Variants in BMPR1B observed in about 807,000 individuals in gnomAD.
BMPR1B encodes the protein bone morphogenetic protein receptor type 1B, also known as bone morphogenetic protein receptor type-1B.
Under a neutral mutation model 59.1 loss-of-function variants are expected in BMPR1B, and 12 were observed. The ratio of observed to expected loss-of-function variants is 0.20; its 90% confidence interval spans 0.13 to 0.33. The LOEUF (loss-of-function observed/expected upper bound fraction) is 0.33, where lower values mean the gene tolerates loss of function less well. Ranked by LOEUF, BMPR1B falls within the 10% of genes least tolerant of loss-of-function variation. The pLI is 1.00. For missense variants in BMPR1B, 550 were observed against 610.9 expected, an observed-to-expected ratio of 0.90 and a Z score of 1.05; for synonymous variants, 237 against 207.3, an observed-to-expected ratio of 1.14 and a Z score of -1.23.
chr4:95,136,011 G>C (rs1388025670), intron 10 of BMPR1B, among the ~76,000 whole-genome samples: 7 of 152,220 alleles, frequency 4.6e-5, no homozygotes, highest in Admixed American at 6.5e-5. Flanking sequence ...GTCATAAATA[G>C]CTCTTATTAT....
At chr4:94,882,431 AT>A (rs1727009119) in intron 2 of BMPR1B, among the ~76,000 whole-genome samples, 1 of 152,222 alleles carries the variant, frequency 6.6e-6, no homozygotes, top group Non-Finnish European at 1.5e-5. Flanking sequence ...TAACATAAAT[AT>A]TTAGCTGAAA....
At chr4:95,084,318 CGT>C (rs201153803) in intron 3 of BMPR1B, among the ~76,000 whole-genome samples, 1 of 150,442 alleles carries the variant, frequency 6.6e-6, no homozygotes, top group Non-Finnish European at 1.5e-5. Context: ...TATATTTATA[CGT>C]GTGTGTGTAT....
intron 2 of BMPR1B, among the ~76,000 whole-genome samples, chr4:94,881,093 A>T (rs1726950802): frequency 1.3e-5 from 2 of 152,176 alleles, no homozygotes; most frequent in Non-Finnish European, 1.5e-5. Context: ...ATTTTCAAGT[A>T]TGTGGTTCTG....
Position 95,003,982 on chromosome 4 carries a change from A to G in BMPR1B, c.-18+7848A>G, listed in dbSNP as rs559772255. Among the ~76,000 whole-genome samples, 221 of 151,726 alleles carry G rather than the reference A, an allele frequency of 1.5e-3. 2 individuals are homozygous for G. The highest frequency in any genetic ancestry group is 5.2e-3 in the African/African-American group (217 of 41,388). On this transcript the variant is annotated intron_variant, in intron 3 of 12. Coordinates refer to ENST00000515059, the MANE Select transcript of BMPR1B (RefSeq NM_001203.3). The stretch of plus-strand genomic sequence containing the variant: ...GCCACCATGCCCAGCTGATTTTTGT[A>G]TTTTTAGTAGAGATAGGGTTTCACT...
intron 3 of BMPR1B, among the ~76,000 whole-genome samples, chr4:95,083,271 C>G (rs1286291771): frequency 1.3e-5 from 2 of 152,004 alleles, no homozygotes; most frequent in African/African-American, 4.8e-5. Flanking sequence ...GTTCAAGCCT[C>G]TTTGGCAAGA....
At chr4:95,055,194 G>A (rs187160415) in intron 3 of BMPR1B, among the ~76,000 whole-genome samples, 42 of 152,060 alleles carry the variant, frequency 2.8e-4, no homozygotes, top group East Asian at 1.7e-3. Flanking sequence ...CCACCTCTCC[G>A]TTGCCAGGCC....
chr4:94,764,336 G>T (rs1440216933), intron 1 of BMPR1B, among the ~76,000 whole-genome samples: 1 of 152,102 alleles, frequency 6.6e-6, no homozygotes, highest in African/African-American at 2.4e-5. Flanking sequence ...GATCAGTTTG[G>T]GCTGCCTGTA....
chr4:94,779,690 G>A (rs961838823), intron 1 of BMPR1B, among the ~76,000 whole-genome samples: 4 of 151,984 alleles, frequency 2.6e-5, no homozygotes, highest in Admixed American at 6.6e-5. Context: ...AAATTAGCCC[G>A]GTGTGGTGGC....
intron 3 of BMPR1B, among the ~76,000 whole-genome samples, chr4:95,055,217 T>C (rs1024113599): frequency 3.3e-5 from 5 of 152,160 alleles, no homozygotes; most frequent in Admixed American, 6.5e-5. Flanking sequence ...ATTCCATAGG[T>C]TTCCTATTGT....
chr4:95,088,047 T>C lies in BMPR1B; in HGVS notation c.-17-16361T>C, dbSNP rs563037984. ...TAAAATAAAATGTTGAATTTTCTGTTTTAACTTCCCTGATGTCCCATATTG... is the reference window on the plus strand; with the variant it reads ...TAAAATAAAATGTTGAATTTTCTGTCTTAACTTCCCTGATGTCCCATATTG... On this transcript the variant is annotated intron_variant, in intron 3 of 12. Transcript: ENST00000515059. Among the ~76,000 whole-genome samples the C allele has an allele frequency of 2.6e-4, 39 of 152,318 alleles. No homozygotes were observed. In the East Asian group the frequency reaches 6.2e-3, roughly 24 times the overall value.
chr4:94,781,665 C>A (rs1324219694), intron 1 of BMPR1B, among the ~76,000 whole-genome samples: 3 of 152,244 alleles, frequency 2.0e-5, no homozygotes, highest in Non-Finnish European at 2.9e-5. Context: ...CCACCTCAGC[C>A]TCCCAAAGTG....
chr4:95,069,034 G>A (rs1728072883), intron 3 of BMPR1B, among the ~76,000 whole-genome samples: 1 of 152,122 alleles, frequency 6.6e-6, no homozygotes, highest in Non-Finnish European at 1.5e-5. Flanking sequence ...TTTACCAATA[G>A]GAAATGACAT....
intron 3 of BMPR1B, among the ~76,000 whole-genome samples, chr4:95,000,118 C>T (rs1722336079): frequency 6.6e-6 from 1 of 152,068 alleles, no homozygotes; most frequent in African/African-American, 2.4e-5. Context: ...TTTGGAGTGA[C>T]TTATAGTTTT....
intron 2 of BMPR1B, among the ~76,000 whole-genome samples, chr4:94,883,096 C>T (rs1727044768): frequency 6.6e-6 from 1 of 152,012 alleles, no homozygotes. Flanking sequence ...CAGGTGTCAT[C>T]CCAGAGAGCC....
chr4:95,129,841 G>A (rs192651282), intron 8 of BMPR1B, 21 bp from the exon 9 acceptor site: 82 of 1,611,516 alleles, frequency 5.1e-5, no homozygotes, highest in Admixed American at 1.0e-4. Flanking sequence ...TACACTAACA[G>A]TGTGTTTTGG....
At chr4:94,890,411 G>T (rs993686256) in intron 2 of BMPR1B, among the ~76,000 whole-genome samples, 1 of 151,980 alleles carries the variant, frequency 6.6e-6, no homozygotes, top group Admixed American at 6.6e-5. Context: ...GGCAATTGAA[G>T]AATTGATATT....
chr4:94,857,220 T>G (rs1214631949), intron 1 of BMPR1B, among the ~76,000 whole-genome samples: 1 of 152,160 alleles, frequency 6.6e-6, no homozygotes, highest in African/African-American at 2.4e-5. Context: ...TGCAAATAAA[T>G]GCAAATTAAA....
chr4:95,076,331 C>T (rs1376659347), intron 3 of BMPR1B, among the ~76,000 whole-genome samples: 1 of 151,996 alleles, frequency 6.6e-6, no homozygotes, highest in Non-Finnish European at 1.5e-5. Context: ...TAATGTAAAA[C>T]TACTATGAAA....
At chr4:95,138,000 A>C (rs1006096917) in intron 10 of BMPR1B, among the ~76,000 whole-genome samples, 6 of 152,170 alleles carry the variant, frequency 3.9e-5, no homozygotes, top group African/African-American at 7.2e-5. Context: ...TCTTCCTAGC[A>C]TCGATGGTCT....
Sources: allele counts gnomAD v4.1 joint callset (sites outside exome capture counted in the v4.1 genomes callset), GRCh38; gene constraint gnomAD v4.1.1; transcripts MANE v1.5; gene names NCBI Gene and HGNC (gene_info 2026-07-23, HGNC 2026-07-21).